The following RALGPS1 variants were observed in gnomAD, a reference collection of about 807,000 sequenced individuals.
RALGPS1 encodes the protein Ral GEF with PH domain and SH3 binding motif 1.
A neutral mutation model predicts 78.8 loss-of-function variants in RALGPS1; 19 were observed. That is an observed-to-expected ratio of 0.24 (90% CI 0.17 to 0.35). The LOEUF is 0.35. Ranked by LOEUF, RALGPS1 falls within the 10% of genes least tolerant of loss-of-function variation. The pLI, the probability that RALGPS1 is intolerant of heterozygous loss-of-function variation, is 1.00. For synonymous variants in RALGPS1, 228 were observed against 256.3 expected (o/e 0.89, Z 1.06); for missense variants, 454 against 688.3 (o/e 0.66, Z 3.81).
At chr9:126,944,372 G>A (rs1404751691) in intron 1 of RALGPS1, among the ~76,000 whole-genome samples, 1 of 151,818 alleles carries the variant, frequency 6.6e-6, no homozygotes, top group Non-Finnish European at 1.5e-5. Context: ...GGATCTAAGA[G>A]GGAGGGAAAA....
In RALGPS1 at chr9:127,218,241, G is replaced by A. The variant is rs2062677506; in HGVS notation, c.1645-499G>A. Among the ~76,000 whole-genome samples the A allele has an allele frequency of 1.3e-5, 2 of 152,156 alleles. No individual in the cohort carries two copies. Among genetic ancestry groups the A allele is most frequent in the African/African-American group, 4.8e-5 (2 of 41,428 alleles). On this transcript the variant is annotated intron_variant, in intron 18 of 18. Coordinates refer to ENST00000259351, the MANE Select transcript of RALGPS1 (RefSeq NM_014636.3). This position sits in a 1 kb window ranked among gnomAD's most constrained non-coding sequence, Gnocchi z 4.4. ...TCTTGTCCTGAGGGCAGAGCTGTGG[G>A]AAGGTCTTGGGGTTTCTGATATCCC...
intron 6 of RALGPS1, among the ~76,000 whole-genome samples, chr9:127,052,339 A>C (rs2048364099): frequency 6.6e-6 from 1 of 152,358 alleles, no homozygotes; most frequent in Non-Finnish European, 1.5e-5. Context: ...GACTGAATTG[A>C]ATCCAAATGT....
chr9:127,182,782 G>A (rs897379071), intron 11 of RALGPS1, among the ~76,000 whole-genome samples: 52 of 152,122 alleles, frequency 3.4e-4, no homozygotes, highest in Middle Eastern at 3.4e-3. Flanking sequence ...TTATAGTAAT[G>A]CAAATGTACT....
chr9:127,053,540 TA>T (rs1684464113), intron 7 of RALGPS1, among the ~76,000 whole-genome samples: 2 of 152,196 alleles, frequency 1.3e-5, no homozygotes, highest in Non-Finnish European at 2.9e-5. Context: ...ATGGGGGAAG[TA>T]ATTGCTATTT....
chr9:127,029,674 G>A (rs893822771), intron 4 of RALGPS1, among the ~76,000 whole-genome samples: 7 of 152,218 alleles, frequency 4.6e-5, no homozygotes, highest in Non-Finnish European at 7.3e-5. Context: ...ACGTGGAAGG[G>A]CCATGTGCTG....
chr9:126,982,870 C>T (rs1320722360), intron 4 of RALGPS1, among the ~76,000 whole-genome samples: 3 of 146,262 alleles, frequency 2.1e-5, no homozygotes, highest in Non-Finnish European at 4.5e-5. Flanking sequence ...TCTTCTTCTT[C>T]TTCCTCTTCC....
intron 8 of RALGPS1, among the ~76,000 whole-genome samples, chr9:127,161,450 G>C (rs1314823975): frequency 6.6e-6 from 1 of 152,214 alleles, no homozygotes; most frequent in Non-Finnish European, 1.5e-5. Context: ...GGAGAGCCTG[G>C]GTTCCGAGTC....
intron 3 of RALGPS1, among the ~76,000 whole-genome samples, chr9:126,968,693 G>GGTTTT (rs1418805632): frequency 6.6e-6 from 1 of 152,200 alleles, no homozygotes; most frequent in Non-Finnish European, 1.5e-5. Flanking sequence ...AGGGCTGTCT[G>GGTTTT]ACACTGTAGA....
Position 126,962,297 on chromosome 9 carries a change from A to G in RALGPS1, c.8A>G (p.Lys3Arg). 1 of 1,614,172 alleles carries G rather than the reference A, an allele frequency of 6.2e-7. No individual in the cohort carries two copies. The highest frequency in any genetic ancestry group is 8.5e-7 in the Non-Finnish European group (1 of 1,180,002). MY[K>R]RNGLMASVLV... ...CCCTGTGGCCTGGAGACTATGTACA[A>G]GAGGAATGGTCTGATGGCTAGCGTG... Residue 3 changes from lysine to arginine, a missense_variant, in exon 2 of 19, where the codon AAG (lysine) becomes AGG (arginine). Lys to Arg is a conservative substitution (Grantham distance 26, BLOSUM62 2). Transcript: ENST00000259351.
intron 5 of RALGPS1, among the ~76,000 whole-genome samples, chr9:127,046,688 A>AT (rs2047815175): frequency 6.6e-6 from 1 of 151,168 alleles, no homozygotes; most frequent in Non-Finnish European, 1.5e-5. Context: ...AAAAAAAAAA[A>AT]AAAAAGCCAG....
At chr9:126,958,142 A>AAAAAAAAAAAATATAT (rs113413659) in intron 1 of RALGPS1, among the ~76,000 whole-genome samples, 8 of 77,088 alleles carry the variant, frequency 1.0e-4, no homozygotes, top group Non-Finnish European at 1.7e-4. Flanking sequence ...AAAAAAAAAA[A>AAAAAAAAAAAATATAT]ATATATATAT....
intron 8 of RALGPS1, among the ~76,000 whole-genome samples, chr9:127,104,835 A>G (rs1554828097): frequency 6.6e-6 from 1 of 152,224 alleles, no homozygotes; most frequent in Non-Finnish European, 1.5e-5. Flanking sequence ...TTAATTGCAA[A>G]GGTATTTCTG....
chr9:126,973,985 G>T (rs903036991), intron 3 of RALGPS1, among the ~76,000 whole-genome samples: 11 of 152,126 alleles, frequency 7.2e-5, no homozygotes, highest in African/African-American at 2.7e-4. Context: ...CAATTCTCTT[G>T]CCTCAGCCTC....
chr9:127,017,196 A>G (rs1372877046), intron 4 of RALGPS1, among the ~76,000 whole-genome samples: 1 of 152,230 alleles, frequency 6.6e-6, no homozygotes, highest in Non-Finnish European at 1.5e-5. Context: ...CCTAGTGTGA[A>G]CACCATATTG....
At chr9:126,954,786 G>A (rs753655004) in intron 1 of RALGPS1, among the ~76,000 whole-genome samples, 10 of 152,164 alleles carry the variant, frequency 6.6e-5, no homozygotes, top group Non-Finnish European at 1.3e-4. Flanking sequence ...TGGGACCTGG[G>A]TGACAGAGTG....
chr9:127,085,585 A>G (rs1448777978), intron 8 of RALGPS1, among the ~76,000 whole-genome samples: 2 of 152,112 alleles, frequency 1.3e-5, no homozygotes, highest in South Asian at 2.1e-4. Context: ...CTCCTTCTAT[A>G]TAGCCTGGGT....
chr9:127,210,523 C>T (rs2062183719), intron 14 of RALGPS1: 2 of 601,772 alleles, frequency 3.3e-6, no homozygotes, highest in Non-Finnish European at 5.9e-6. Context: ...CTGGCAGCTC[C>T]AGGTGTGCTT....
chr9:127,217,359 G>C, intron 18 of RALGPS1: 1 of 1,003,188 alleles, frequency 1.0e-6, no homozygotes, highest in Non-Finnish European at 1.2e-6. Flanking sequence ...CAACAGCAGA[G>C]GATGATTTAA....
chr9:126,983,729 G>T (rs932215325), intron 4 of RALGPS1, among the ~76,000 whole-genome samples: 1 of 151,840 alleles, frequency 6.6e-6, no homozygotes. Flanking sequence ...TTATTGAAAG[G>T]TTAGTCGCAC....
Sources: allele counts gnomAD v4.1 joint callset (sites outside exome capture counted in the v4.1 genomes callset), GRCh38; gene constraint gnomAD v4.1.1; non-coding constraint Gnocchi (gnomAD v3.1); transcripts MANE v1.5; gene names NCBI Gene and HGNC (gene_info 2026-07-23, HGNC 2026-07-21).